LINGO2: variants seen among roughly 807,000 people sequenced by gnomAD.
LINGO2 encodes leucine-rich repeat and immunoglobulin-like domain-containing nogo receptor-interacting protein 2.
In LINGO2, 14 loss-of-function variants were observed where a neutral mutation model predicts 30.6. The ratio of observed to expected loss-of-function variants is 0.46; its 90% CI spans 0.30 to 0.72. The LOEUF (loss-of-function observed/expected upper bound fraction) is 0.72. Ranked by LOEUF, LINGO2 falls within the 30% of genes least tolerant of loss-of-function variation. The pLI is 0.07. For missense variants in LINGO2, 729 were observed against 751.7 expected (o/e 0.97, Z 0.35); for synonymous variants, 317 against 288.5 (o/e 1.10, Z -1.00).
intron 4 of LINGO2, among the ~76,000 whole-genome samples, chr9:28,269,726 CCT>C (rs1351458079): frequency 6.6e-6 from 1 of 152,124 alleles, no homozygotes; most frequent in Non-Finnish European, 1.5e-5. Flanking sequence ...TAGATTATTT[CCT>C]TTTCCCCAAT....
At chr9:29,048,938 G>A in the LINGO2 span, among the ~76,000 whole-genome samples, 2 of 152,076 alleles carry the variant, frequency 1.3e-5, no homozygotes, top group East Asian at 1.9e-4. Flanking sequence ...CTGTAAGCAC[G>A]GGCAACCAAA....
chr9:28,454,742 C>T (rs1490847906), intron 2 of LINGO2, among the ~76,000 whole-genome samples: 1 of 151,914 alleles, frequency 6.6e-6, no homozygotes, highest in African/African-American at 2.4e-5. Flanking sequence ...ACAGCTAATT[C>T]CTTTAAATAG....
chr9:28,955,182 G>A, the LINGO2 span, among the ~76,000 whole-genome samples: 2 of 151,918 alleles, frequency 1.3e-5, no homozygotes, highest in African/African-American at 2.4e-5. Context: ...AATAGAGAGA[G>A]AGAGTGTGTG....
At chr9:28,327,758 C>T (rs1197492533) in intron 3 of LINGO2, among the ~76,000 whole-genome samples, 1 of 152,134 alleles carries the variant, frequency 6.6e-6, no homozygotes, top group Admixed American at 6.5e-5. Flanking sequence ...ATAAAATATA[C>T]TGGCAGCTGT....
Position 28,516,515 on chromosome 9 carries a change from T to C in LINGO2, c.-364-40490A>G, listed in dbSNP as rs184952940. On this transcript the variant is annotated intron_variant, in intron 1 of 5. Coordinates refer to ENST00000379992, the Ensembl canonical transcript of LINGO2. ...GTGGTATCTCCCTGCCTGGGTGTGA[T>C]GACTCCACTTCTTCCTAGTCAGGGG... Among the ~76,000 whole-genome samples, 296 of 152,308 alleles carry C rather than the reference T, an allele frequency of 1.9e-3. 3 individuals carry two copies. Among genetic ancestry groups the C allele is most frequent in the Non-Finnish European group, 2.7e-3 (186 of 68,026 alleles).
intron 2 of LINGO2, among the ~76,000 whole-genome samples, chr9:28,440,985 C>A (rs1225400721): frequency 6.6e-6 from 1 of 151,996 alleles, no homozygotes; most frequent in African/African-American, 2.4e-5. Context: ...AAACTTAATC[C>A]CAAATGTAAC....
At chr9:28,097,486 C>T (rs1323733131) in intron 4 of LINGO2, among the ~76,000 whole-genome samples, 1 of 145,020 alleles carries the variant, frequency 6.9e-6, no homozygotes, top group East Asian at 2.0e-4. Context: ...ACATATACAC[C>T]ATGGAATACT....
At chr9:28,090,206 C>A (rs1826037529) in intron 4 of LINGO2, among the ~76,000 whole-genome samples, 1 of 152,144 alleles carries the variant, frequency 6.6e-6, no homozygotes, top group Non-Finnish European at 1.5e-5. Context: ...CTCCCTAACT[C>A]ATTTTATGAG....
At chr9:28,536,791 G>A (rs540060423) in intron 1 of LINGO2, among the ~76,000 whole-genome samples, 2 of 152,068 alleles carry the variant, frequency 1.3e-5, no homozygotes, top group Admixed American at 1.3e-4. Flanking sequence ...GTAACTTTTG[G>A]GGAAAAATTC....
intron 4 of LINGO2, among the ~76,000 whole-genome samples, chr9:28,197,809 G>A (rs1297398470): frequency 1.9e-4 from 29 of 151,566 alleles, no homozygotes; most frequent in Admixed American, 1.9e-3. Flanking sequence ...TACCACAAAG[G>A]TTAATTATCT....
At chr9:28,169,337 A>C (rs1828518099) in intron 4 of LINGO2, among the ~76,000 whole-genome samples, 2 of 152,172 alleles carry the variant, frequency 1.3e-5, no homozygotes, top group African/African-American at 4.8e-5. Flanking sequence ...TAGGTAAAAA[A>C]ATTTTTATAG....
chr9:28,806,995 CATT>C, the LINGO2 span, among the ~76,000 whole-genome samples: 65 of 151,044 alleles, frequency 4.3e-4, 1 homozygote, highest in East Asian at 0.011. Context: ...ATGTGAAAAA[CATT>C]ATTATTATTA....
At chr9:28,365,693 G>A (rs183815282) in intron 3 of LINGO2, among the ~76,000 whole-genome samples, 52 of 151,966 alleles carry the variant, frequency 3.4e-4, no homozygotes, top group Admixed American at 9.8e-4. Flanking sequence ...TGGGGTTTAC[G>A]GTTTACCCTG....
intron 1 of LINGO2, among the ~76,000 whole-genome samples, chr9:28,509,702 C>T (rs1820293074): frequency 6.6e-6 from 1 of 152,124 alleles, no homozygotes; most frequent in Non-Finnish European, 1.5e-5. Flanking sequence ...CAGCCTTCTA[C>T]AAGCTAGGAA....
At chr9:28,429,677 C>G (rs1427557067) in intron 2 of LINGO2, among the ~76,000 whole-genome samples, 2 of 152,146 alleles carry the variant, frequency 1.3e-5, no homozygotes, top group Non-Finnish European at 2.9e-5. Context: ...AGTCTTCAAG[C>G]TCTCATACAC....
intron 5 of LINGO2, among the ~76,000 whole-genome samples, chr9:27,966,803 T>C (rs960315523): frequency 6.6e-6 from 1 of 152,112 alleles, no homozygotes; most frequent in African/African-American, 2.4e-5. Context: ...CTGCCTTCTG[T>C]GATAATTGTT....
At chr9:28,643,354 G>A (rs1002907628) in intron 1 of LINGO2, among the ~76,000 whole-genome samples, 3 of 151,740 alleles carry the variant, frequency 2.0e-5, no homozygotes, top group Non-Finnish European at 4.4e-5. Context: ...ATAGACCAAC[G>A]GAACAGAATA....
At chr9:29,060,160 G>C in the LINGO2 span, among the ~76,000 whole-genome samples, 6 of 151,972 alleles carry the variant, frequency 3.9e-5, no homozygotes, top group Admixed American at 1.3e-4. Context: ...CATTCACAGA[G>C]CAAATGAGCA....
At chr9:28,631,681 T>C (rs1441410161) in intron 1 of LINGO2, among the ~76,000 whole-genome samples, 2 of 152,174 alleles carry the variant, frequency 1.3e-5, no homozygotes, top group East Asian at 1.9e-4. Flanking sequence ...TAGGTACAGA[T>C]GGCAAACAGA....
Sources: gnomAD v4.1 joint callset for allele counts (sites outside exome capture counted in the v4.1 genomes callset) on GRCh38, gnomAD v4.1.1 for gene constraint, MANE v1.5 for transcripts, NCBI Gene and HGNC (gene_info 2026-07-23, HGNC 2026-07-21) for gene names.